CDC42BPA: variants seen among roughly 807,000 people sequenced by gnomAD.
CDC42BPA encodes CDC42 binding protein kinase alpha.
CDC42BPA carries 80 observed loss-of-function variants against 223.5 expected under a neutral mutation model. That is an observed-to-expected ratio of 0.36 (90% confidence interval 0.30 to 0.43). CDC42BPA has a LOEUF of 0.43. CDC42BPA is among the 20% of genes least tolerant of loss of function. CDC42BPA has a pLI of 1.00. For missense variants in CDC42BPA, 1,743 were observed against 2,099.9 expected (o/e 0.83, Z 3.32); for synonymous variants, 694 against 718.6 (o/e 0.97, Z 0.55).
At chr1:227,090,131 C>T (rs541081752) in intron 16 of CDC42BPA, among the ~76,000 whole-genome samples, 1 of 152,284 alleles carries the variant, frequency 6.6e-6, no homozygotes, top group African/African-American at 2.4e-5. Flanking sequence ...ACTTACTGTT[C>T]AGCCACTTCC....
At chr1:227,141,765 C>T (rs769698121) in intron 9 of CDC42BPA, among the ~76,000 whole-genome samples, 42 of 152,172 alleles carry the variant, frequency 2.8e-4, no homozygotes, top group Non-Finnish European at 5.4e-4. Context: ...GACTGTGCCA[C>T]TGCACTCCAG....
At chr1:227,264,760 T>TC (rs543856940) in intron 1 of CDC42BPA, 127 of 865,050 alleles carry the variant, frequency 1.5e-4, no homozygotes, top group Admixed American at 8.6e-4. Flanking sequence ...GGCCATGAGG[T>TC]CTTCCAAGCT....
chr1:227,170,198 TAG>T (rs1665848765), intron 5 of CDC42BPA, among the ~76,000 whole-genome samples: 1 of 152,062 alleles, frequency 6.6e-6, no homozygotes, highest in African/African-American at 2.4e-5. Context: ...CTTTGTTCTC[TAG>T]AGACACTTGC....
At chr1:227,163,216 G>A (rs1664431961) in intron 5 of CDC42BPA, among the ~76,000 whole-genome samples, 2 of 151,478 alleles carry the variant, frequency 1.3e-5, no homozygotes, top group Admixed American at 6.6e-5. Flanking sequence ...ATATGTGTGT[G>A]TATATATGTT....
intron 1 of CDC42BPA, among the ~76,000 whole-genome samples, chr1:227,256,739 G>A (rs1683096025): frequency 6.6e-6 from 1 of 151,960 alleles, no homozygotes; most frequent in African/African-American, 2.4e-5. Context: ...AAAACAGTTG[G>A]GTAGTTCCTC....
chr1:227,053,742 A>T, intron 21 of CDC42BPA, among the ~76,000 whole-genome samples: 1 of 152,208 alleles, frequency 6.6e-6, no homozygotes, highest in East Asian at 1.9e-4. Flanking sequence ...GGAAAAGAAA[A>T]AGTAGAAGAA....
At chr1:227,062,852 G>C (rs985383545) in intron 21 of CDC42BPA, among the ~76,000 whole-genome samples, 2 of 149,734 alleles carry the variant, frequency 1.3e-5, no homozygotes, top group Admixed American at 6.7e-5. Context: ...AAACTTTTTT[G>C]GCTATCTCTA....
At chr1:227,069,128 A>G (rs1004489677) in intron 21 of CDC42BPA, 1 of 152,428 alleles carries the variant, frequency 6.6e-6, no homozygotes, top group Non-Finnish European at 1.5e-5. Flanking sequence ...CAGCACTTAC[A>G]ACAGTGCCTT....
chr1:227,318,197 C>T lies in CDC42BPA; in HGVS notation c.-1015G>A. 1 of 156,118 alleles carries T rather than the reference C, an allele frequency of 6.4e-6. No individual in the cohort carries two copies. The highest frequency in any genetic ancestry group is 1.4e-5 in the Non-Finnish European group (1 of 71,136). 9.7% of individuals were successfully genotyped at this position (156,118 alleles called of 1,614,324 possible). A position where few individuals can be genotyped will look rare whatever the true frequency, so the allele number is the denominator to read the frequency against. On this transcript the variant is annotated 5_prime_UTR_variant, in exon 1 of 37. Coordinates refer to ENST00000366766, the MANE Select transcript of CDC42BPA (RefSeq NM_001394014.1). ...ATTCAAAGGACACAAGCAGCAGCAG[C>T]TGCGGCGGCGGCGCGGGCGGCTCTG...
intron 23 of CDC42BPA, among the ~76,000 whole-genome samples, chr1:227,046,144 T>C (rs1489993053): frequency 1.3e-5 from 2 of 152,194 alleles, no homozygotes; most frequent in Non-Finnish European, 2.9e-5. Flanking sequence ...AAATGTCTAC[T>C]GACTGTTGGG....
At chr1:227,043,507 T>C (rs544195634) in intron 23 of CDC42BPA, among the ~76,000 whole-genome samples, 2 of 152,226 alleles carry the variant, frequency 1.3e-5, no homozygotes, top group Admixed American at 6.5e-5. Flanking sequence ...TTCACTTCTC[T>C]ATCTTTTAAA....
At chr1:227,311,494 T>G (rs1269683350) in intron 1 of CDC42BPA, among the ~76,000 whole-genome samples, 1 of 152,108 alleles carries the variant, frequency 6.6e-6, no homozygotes, top group African/African-American at 2.4e-5. Flanking sequence ...TCAGCTGAAG[T>G]GATGAGAAGC....
At chr1:227,183,669 T>C (rs1378674479) in intron 5 of CDC42BPA, among the ~76,000 whole-genome samples, 1 of 152,210 alleles carries the variant, frequency 6.6e-6, no homozygotes, top group Non-Finnish European at 1.5e-5. Context: ...CAAGTACAGA[T>C]TTTTCTGTGA....
intron 23 of CDC42BPA, among the ~76,000 whole-genome samples, chr1:227,042,297 G>GAGATAGATATATATAT (rs922408596): frequency 2.8e-4 from 41 of 147,608 alleles, no homozygotes; most frequent in Admixed American, 2.7e-3. Flanking sequence ...ATACATATAT[G>GAGATAGATATATATAT]ATATATATAT....
In CDC42BPA at chr1:227,095,359, C is replaced by T. The variant is rs547011113; in HGVS notation, c.2250-3368G>A. Among the ~76,000 whole-genome samples, 17 of 152,208 alleles carry T rather than the reference C, an allele frequency of 1.1e-4. No individual in the cohort carries two copies. In the South Asian group the frequency reaches 3.5e-3, roughly 32 times the overall value. On this transcript the variant is annotated intron_variant, in intron 15 of 36. Transcript: ENST00000366766. ...ATGAACCACAAAATGATTCCTTGTT[C>T]TCAACCCTAGATTGTATTAAAAGTT... is the stretch of plus-strand genomic sequence containing the variant.
At chr1:227,264,959 T>G in intron 1 of CDC42BPA, 1 of 1,000,584 alleles carries the variant, frequency 1.0e-6, no homozygotes. Flanking sequence ...TTCCTCTTCT[T>G]GTATAACCTC....
At chr1:227,304,707 G>A (rs1002693327) in intron 1 of CDC42BPA, among the ~76,000 whole-genome samples, 1 of 152,114 alleles carries the variant, frequency 6.6e-6, no homozygotes, top group Non-Finnish European at 1.5e-5. Flanking sequence ...ACCAATATGT[G>A]AAAAGTCATG....
intron 24 of CDC42BPA, among the ~76,000 whole-genome samples, chr1:227,039,029 C>T (rs1336135506): frequency 1.3e-5 from 2 of 152,164 alleles, no homozygotes; most frequent in Non-Finnish European, 2.9e-5. Flanking sequence ...CCTTCTTCAC[C>T]ATGACAATGC....
rs181705002 is a variant in CDC42BPA at position 227,173,892 on chromosome 1, C to A, written c.600-13256G>T. On this transcript the variant is annotated intron_variant, in intron 5 of 36. Coordinates refer to ENST00000366766, the MANE Select transcript of CDC42BPA (RefSeq NM_001394014.1). ...CTAAGAGGTGGTTTTGGGAACCCCT[C>A]GAACTTCCAATTGGTGTCAGAACTT... Among the ~76,000 whole-genome samples, 3 of 152,214 alleles carry A rather than the reference C, an allele frequency of 2.0e-5. No individual in the cohort carries two copies. In the East Asian group the frequency reaches 5.8e-4, roughly 29 times the overall value.
Sources: gnomAD v4.1 joint callset for allele counts (sites outside exome capture counted in the v4.1 genomes callset) on GRCh38, gnomAD v4.1.1 for gene constraint, MANE v1.5 for transcripts, NCBI Gene and HGNC (gene_info 2026-07-23, HGNC 2026-07-21) for gene names.